Variants in KCNG3 observed in about 807,000 individuals in gnomAD.
The protein encoded by KCNG3 is voltage-gated potassium channel regulatory subunit KCNG3.
In KCNG3, 15 loss-of-function variants were observed where a neutral mutation model predicts 29.0. The ratio of observed to expected loss-of-function variants is 0.52; its 90% confidence interval spans 0.35 to 0.80. KCNG3 has a LOEUF of 0.80. Among genes scored for constraint, KCNG3 ranks in the 30% least tolerant of loss-of-function variants. The probability of loss-of-function intolerance (pLI) is 0.01; values close to 1 mark genes in which losing one functional copy is unlikely to be tolerated. For missense variants in KCNG3, 512 were observed against 605.7 expected, an observed-to-expected ratio of 0.85 and a Z score of 1.62; for synonymous variants, 322 against 248.9, an observed-to-expected ratio of 1.29 and a Z score of -2.76.
intron 1 of KCNG3, among the ~76,000 whole-genome samples, chr2:42,469,052 G>A (rs1157906276): frequency 6.6e-6 from 1 of 151,510 alleles, no homozygotes; most frequent in African/African-American, 2.4e-5. Flanking sequence ...TCCCAAGAAG[G>A]GTTTTCATGG....
intron 1 of KCNG3, among the ~76,000 whole-genome samples, chr2:42,479,455 G>A (rs1673524773): frequency 6.6e-6 from 1 of 151,574 alleles, no homozygotes; most frequent in Non-Finnish European, 1.5e-5. Flanking sequence ...ACCAGTTCTG[G>A]GCAACTGAGC....
the KCNG3 span, among the ~76,000 whole-genome samples, chr2:42,396,014 C>A: frequency 6.6e-6 from 1 of 152,150 alleles, no homozygotes; most frequent in Non-Finnish European, 1.5e-5. Flanking sequence ...CTTAGCTTAG[C>A]CTACTTTAAA....
intron 1 of KCNG3, among the ~76,000 whole-genome samples, chr2:42,464,899 G>C (rs945279185): frequency 6.6e-6 from 1 of 152,124 alleles, no homozygotes; most frequent in Admixed American, 6.6e-5. Context: ...GTAGGGCTGT[G>C]TGTCTTTAAA....
the KCNG3 span, among the ~76,000 whole-genome samples, chr2:42,400,781 T>A: frequency 1.2e-4 from 18 of 151,984 alleles, no homozygotes; most frequent in Middle Eastern, 3.4e-3. Context: ...CTGGAAAAAA[T>A]GGGTTTTTTT....
chr2:42,413,273 G>A, the KCNG3 span, among the ~76,000 whole-genome samples: 2 of 152,286 alleles, frequency 1.3e-5, no homozygotes, highest in African/African-American at 4.8e-5. Context: ...CTGAGTAGCT[G>A]AGATTATAGC....
At chr2:42,470,247 C>A in intron 1 of KCNG3, 1 of 412,606 alleles carries the variant, frequency 2.4e-6, no homozygotes, top group Non-Finnish European at 4.6e-6. Flanking sequence ...TCATCTACAG[C>A]CTCTGTCCTG....
intron 1 of KCNG3, among the ~76,000 whole-genome samples, chr2:42,474,714 T>C (rs899228905): frequency 7.9e-5 from 12 of 152,214 alleles, no homozygotes; most frequent in African/African-American, 2.7e-4. Context: ...TTTTAAACAT[T>C]TGTCAAATTT....
At chr2:42,480,658 T>C (rs1402355374) in intron 1 of KCNG3, among the ~76,000 whole-genome samples, 2 of 150,192 alleles carry the variant, frequency 1.3e-5, no homozygotes, top group African/African-American at 4.9e-5. Flanking sequence ...TTTCAACATT[T>C]ACAAAATGTA....
In KCNG3 at chr2:42,493,195, G is replaced by A. The variant is rs569135195; in HGVS notation, c.307C>T (p.Leu103=). Residue 103 remains leucine (L), a synonymous_variant, in exon 1 of 2, where the codon CTG becomes TTG. Transcript: ENST00000306078. ...CAGTACTCGAGGTGCGCGCCCTCCA[G>A]GCCCCAGTAGATCATCTCGTTGTAG... ...SFYNEMIYWG[L]EGAHLEYCCQ... 4.3e-6 allele frequency: 7 copies of A among 1,610,488 alleles called. No homozygotes were observed. The highest frequency in any genetic ancestry group is 3.3e-5 in the South Asian group (3 of 91,050).
rs1018637705 is a variant in KCNG3 at position 42,443,760 on chromosome 2, C to T, written c.*174G>A. 1 of 580,788 alleles carries T rather than the reference C, an allele frequency of 1.7e-6. No homozygotes were observed. The highest frequency in any genetic ancestry group is 2.9e-6 in the Non-Finnish European group (1 of 340,152). The allele number at this position is 580,788 out of a possible 1,614,324, so 36.0% of individuals were successfully genotyped here. A position where few individuals can be genotyped will look rare whatever the true frequency, so the allele number is the denominator to read the frequency against. ...TTATTCTTCCTTTGCAGTCTCAATT[C>T]TATTTACTCCATAACAAGTAAACTG... On this transcript the variant is annotated 3_prime_UTR_variant, in exon 2 of 2. Transcript: ENST00000306078.
At chr2:42,448,086 G>GT (rs1346809131) in intron 1 of KCNG3, among the ~76,000 whole-genome samples, 21 of 152,124 alleles carry the variant, frequency 1.4e-4, no homozygotes, top group Non-Finnish European at 2.6e-4. Context: ...GAGATGAAAA[G>GT]TGCTAGCTTA....
intron 1 of KCNG3, among the ~76,000 whole-genome samples, chr2:42,464,440 G>A (rs968894975): frequency 3.9e-5 from 6 of 152,104 alleles, no homozygotes; most frequent in Non-Finnish European, 8.8e-5. Context: ...GAAACAATAA[G>A]CTAAGTGTTT....
intron 1 of KCNG3, among the ~76,000 whole-genome samples, chr2:42,483,043 C>T (rs1302497541): frequency 2.0e-5 from 3 of 152,012 alleles, no homozygotes; most frequent in Non-Finnish European, 4.4e-5. Flanking sequence ...ATCGCCAGAG[C>T]CAGGGAGGCA....
chr2:42,490,257 G>A (rs1372169452), intron 1 of KCNG3, among the ~76,000 whole-genome samples: 4 of 151,982 alleles, frequency 2.6e-5, no homozygotes, highest in African/African-American at 9.7e-5. Flanking sequence ...GGTTGTACAG[G>A]TTGCATTAAC....
At chr2:42,472,564 A>G (rs1023084619) in intron 1 of KCNG3, among the ~76,000 whole-genome samples, 2 of 151,426 alleles carry the variant, frequency 1.3e-5, no homozygotes, top group Admixed American at 6.6e-5. Context: ...CACTGGCACG[A>G]TCTCGGCTCA....
At chr2:42,422,013 A>G in the KCNG3 span, among the ~76,000 whole-genome samples, 2 of 152,214 alleles carry the variant, frequency 1.3e-5, no homozygotes, top group Non-Finnish European at 2.9e-5. Context: ...TTGCATTAAG[A>G]AAATAATGTA....
At chr2:42,418,233 T>A in the KCNG3 span, among the ~76,000 whole-genome samples, 1 of 152,176 alleles carries the variant, frequency 6.6e-6, no homozygotes, top group Non-Finnish European at 1.5e-5. Flanking sequence ...TTATTTCACA[T>A]ATTACTATGT....
chr2:42,399,418 C>T, the KCNG3 span, among the ~76,000 whole-genome samples: 13 of 152,076 alleles, frequency 8.5e-5, no homozygotes, highest in Non-Finnish European at 1.9e-4. Context: ...CTCTGAGTAA[C>T]GTGATGTTAA....
At chr2:42,467,786 A>G (rs1673179068) in intron 1 of KCNG3, among the ~76,000 whole-genome samples, 1 of 151,698 alleles carries the variant, frequency 6.6e-6, no homozygotes, top group Non-Finnish European at 1.5e-5. Context: ...CCTGGACAAC[A>G]TGGCGAAACT....
Sources: allele counts gnomAD v4.1 joint callset (sites outside exome capture counted in the v4.1 genomes callset), GRCh38; gene constraint gnomAD v4.1.1; transcripts MANE v1.5; gene names NCBI Gene and HGNC (gene_info 2026-07-23, HGNC 2026-07-21).